The following PGAP1 variants were observed in gnomAD, a reference collection of about 807,000 sequenced individuals.
PGAP1 encodes the protein GPI inositol-deacylase.
Under a neutral mutation model 127.0 loss-of-function variants are expected in PGAP1, and 76 were observed. The observed-to-expected ratio is 0.60, with a 90% CI of 0.50 to 0.72. The LOEUF (loss-of-function observed/expected upper bound fraction) is 0.72, where lower values mean the gene tolerates loss of function less well. Ranked by LOEUF, PGAP1 falls within the 30% of genes least tolerant of loss-of-function variation. The pLI is 0.00. For missense variants in PGAP1, 982 were observed against 1,071.3 expected (o/e 0.92, Z 1.16); for synonymous variants, 362 against 366.5 (o/e 0.99, Z 0.14).
At chr2:196,860,766 A>C (rs187792920) in intron 20 of PGAP1, among the ~76,000 whole-genome samples, 111 of 152,326 alleles carry the variant, frequency 7.3e-4, no homozygotes, top group African/African-American at 2.6e-3. Context: ...ATACTACCTC[A>C]AGCAATGTCT....
At chr2:196,905,785 C>T (rs1189598940) in intron 4 of PGAP1, among the ~76,000 whole-genome samples, 2 of 141,976 alleles carry the variant, frequency 1.4e-5, no homozygotes, top group Non-Finnish European at 3.1e-5. Context: ...ATTGCCTCAC[C>T]TGGGAAGCGC....
chr2:196,843,063 T>G (rs1700459328), intron 25 of PGAP1, among the ~76,000 whole-genome samples: 1 of 152,082 alleles, frequency 6.6e-6, no homozygotes, highest in Non-Finnish European at 1.5e-5. Context: ...ATAACCGGTA[T>G]GAAAGCACTT....
At chr2:196,917,846 TA>T (rs1267210379) in intron 2 of PGAP1, among the ~76,000 whole-genome samples, 2 of 152,156 alleles carry the variant, frequency 1.3e-5, no homozygotes, top group African/African-American at 4.8e-5. Flanking sequence ...CTTGGGTAGA[TA>T]CCTAGGAGTG....
rs1389182824 is a variant in PGAP1 at position 196,897,066 on chromosome 2, G to A, written c.927+65C>T. On this transcript the variant is annotated intron_variant, in intron 7 of 26. Transcript: ENST00000354764. The stretch of plus-strand genomic sequence containing the variant: ...AAAAAAATTACATTAAATCCATCAT[G>A]GCTGTAAATGATATAGTAAAGTAAA... The A allele has an allele frequency of 4.5e-6, 4 of 883,936 alleles. No homozygotes were observed. In the South Asian group the frequency reaches 5.2e-5, roughly 11 times the overall value. 54.8% of individuals were successfully genotyped at this position (883,936 alleles called of 1,614,324 possible). A position where few individuals can be genotyped will look rare whatever the true frequency, so the allele number is the denominator to read the frequency against.
At chr2:196,862,795 G>T (rs1213524362) in intron 20 of PGAP1, among the ~76,000 whole-genome samples, 1 of 152,216 alleles carries the variant, frequency 6.6e-6, no homozygotes, top group Non-Finnish European at 1.5e-5. Context: ...GCCCATGCCT[G>T]TAATCCCAGC....
intron 4 of PGAP1, among the ~76,000 whole-genome samples, chr2:196,904,385 A>G (rs1486094439): frequency 2.0e-5 from 3 of 152,110 alleles, no homozygotes; most frequent in Non-Finnish European, 4.4e-5. Flanking sequence ...CAGGAAAACA[A>G]AGAAAATGAA....
At chr2:196,904,905 C>T (rs1214198118) in intron 4 of PGAP1, among the ~76,000 whole-genome samples, 1 of 152,110 alleles carries the variant, frequency 6.6e-6, no homozygotes, top group East Asian at 1.9e-4. Flanking sequence ...CCTCCTTCCT[C>T]CTATTGAAAG....
At chr2:196,894,234 T>C (rs1439494662) in intron 7 of PGAP1, among the ~76,000 whole-genome samples, 2 of 152,202 alleles carry the variant, frequency 1.3e-5, no homozygotes, top group Non-Finnish European at 2.9e-5. Flanking sequence ...ACTTCAAACA[T>C]ATCAAGTGTT....
At chr2:196,888,687 T>C (rs548559179) in intron 10 of PGAP1, among the ~76,000 whole-genome samples, 2 of 152,264 alleles carry the variant, frequency 1.3e-5, no homozygotes, top group Admixed American at 6.5e-5. Flanking sequence ...CTAAAGGCAA[T>C]GTATACTTTG....
intron 19 of PGAP1, among the ~76,000 whole-genome samples, chr2:196,865,643 G>T (rs893148329): frequency 3.9e-5 from 6 of 152,056 alleles, no homozygotes; most frequent in Non-Finnish European, 8.8e-5. Context: ...TATATAACAA[G>T]TTATGAGAAA....
At chr2:196,847,271 T>C in intron 21 of PGAP1, 71 bp from the exon 22 acceptor site, 3 of 1,165,100 alleles carry the variant, frequency 2.6e-6, no homozygotes, top group South Asian at 1.5e-5. Context: ...ATTTGAGGTG[T>C]CTGACTATTC....
intron 13 of PGAP1, among the ~76,000 whole-genome samples, chr2:196,876,399 T>C (rs867450735): frequency 2.0e-5 from 3 of 152,080 alleles, no homozygotes; most frequent in South Asian, 4.1e-4. Flanking sequence ...AGGTTTACTA[T>C]GTATGAAGCC....
At chr2:196,886,128 A>ACTT (rs1366877133) in intron 10 of PGAP1, among the ~76,000 whole-genome samples, 1 of 151,372 alleles carries the variant, frequency 6.6e-6, no homozygotes, top group Non-Finnish European at 1.5e-5. Context: ...AGCCAAGAGT[A>ACTT]CGAGAAGGAC....
In PGAP1 at chr2:196,837,017, A is replaced by C. The variant is rs1433740513; in HGVS notation, c.*4217T>G. 1 of 152,238 alleles carries C rather than the reference A, an allele frequency of 6.6e-6. No individual in the cohort carries two copies. The highest frequency in any genetic ancestry group is 2.4e-5 in the African/African-American group (1 of 41,452). 9.4% of individuals were successfully genotyped at this position (152,238 alleles called of 1,614,324 possible). A position where few individuals can be genotyped will look rare whatever the true frequency, so the allele number is the denominator to read the frequency against. On this transcript the variant is annotated 3_prime_UTR_variant, in exon 27 of 27. Transcript: ENST00000354764. ...CATTTTCATTTTTCCCAAATGATTA[A>C]TAATAACCAGTTACTAAACTTCAAA... is the stretch of plus-strand genomic sequence containing the variant.
chr2:196,921,199 AAAAC>A (rs1352500703), intron 1 of PGAP1, among the ~76,000 whole-genome samples: 3 of 151,470 alleles, frequency 2.0e-5, no homozygotes, highest in African/African-American at 7.3e-5. Flanking sequence ...AAAAAAAAAA[AAAAC>A]ACACACACAC....
chr2:196,842,058 A>C (rs916564380), intron 26 of PGAP1, among the ~76,000 whole-genome samples: 1 of 151,686 alleles, frequency 6.6e-6, no homozygotes, highest in Non-Finnish European at 1.5e-5. Context: ...TAAAAAAAAA[A>C]AACAAAAAAC....
intron 13 of PGAP1, among the ~76,000 whole-genome samples, chr2:196,876,049 C>T (rs904261493): frequency 1.3e-5 from 2 of 151,956 alleles, no homozygotes; most frequent in Non-Finnish European, 2.9e-5. Flanking sequence ...ATAAATTATT[C>T]GAGGGCCATT....
chr2:196,881,092 C>T (rs1701716326), intron 12 of PGAP1, among the ~76,000 whole-genome samples: 1 of 152,190 alleles, frequency 6.6e-6, no homozygotes, highest in Admixed American at 6.5e-5. Context: ...CATCATTCAG[C>T]TCCCACTTAT....
intron 20 of PGAP1, among the ~76,000 whole-genome samples, chr2:196,861,064 A>G (rs1701048145): frequency 6.6e-6 from 1 of 152,206 alleles, no homozygotes; most frequent in Non-Finnish European, 1.5e-5. Flanking sequence ...ACTAAAGGCA[A>G]CCAAAACATA....
Sources: gnomAD v4.1 joint callset for allele counts (sites outside exome capture counted in the v4.1 genomes callset) on GRCh38, gnomAD v4.1.1 for gene constraint, MANE v1.5 for transcripts, NCBI Gene and HGNC (gene_info 2026-07-23, HGNC 2026-07-21) for gene names.